SERAC1: variants seen among roughly 807,000 people sequenced by gnomAD.
SERAC1 encodes serine active site containing 1.
Under a neutral mutation model 85.7 loss-of-function variants are expected in SERAC1, and 36 were observed. The ratio of observed to expected loss-of-function variants is 0.42; its 90% CI spans 0.32 to 0.55. The LOEUF (loss-of-function observed/expected upper bound fraction) is 0.55. SERAC1 is among the 20% of genes least tolerant of loss of function. SERAC1 has a pLI of 0.11. For synonymous variants in SERAC1, 242 were observed against 265.3 expected, an observed-to-expected ratio of 0.91 and a Z score of 0.85; for missense variants, 629 against 796.2, an observed-to-expected ratio of 0.79 and a Z score of 2.53.
chr6:158,134,558 T>C (rs1260205450), intron 8 of SERAC1, among the ~76,000 whole-genome samples: 1 of 152,126 alleles, frequency 6.6e-6, no homozygotes, highest in Non-Finnish European at 1.5e-5. Context: ...AGTAAGAGAT[T>C]ATAATCTAGT....
chr6:158,127,377 G>A (rs1449699403), intron 10 of SERAC1, among the ~76,000 whole-genome samples: 5 of 65,594 alleles, frequency 7.6e-5, no homozygotes, highest in Non-Finnish European at 9.6e-5. Flanking sequence ...GAGGTGGGGG[G>A]GTCAGCCCCC....
chr6:158,161,275 C>G (rs1006191442), intron 1 of SERAC1: 4 of 151,672 alleles, frequency 2.6e-5, no homozygotes, highest in African/African-American at 9.7e-5. Context: ...CCCAGCTACT[C>G]GGGAGGCTGA....
intron 15 of SERAC1, among the ~76,000 whole-genome samples, chr6:158,114,145 T>G (rs533485254): frequency 2.6e-5 from 4 of 151,814 alleles, no homozygotes; most frequent in African/African-American, 9.7e-5. Context: ...TTTGAAAAGA[T>G]AAAGGAGCCA....
In SERAC1 at chr6:158,117,242, G is replaced by A; in HGVS notation, c.1403+485C>T. On this transcript the variant is annotated intron_variant, in intron 13 of 16. Coordinates refer to ENST00000647468, the MANE Select transcript of SERAC1 (RefSeq NM_032861.4). This position sits in a 1 kb window ranked among gnomAD's most constrained non-coding sequence, Gnocchi z 4.3. ...AAAGTTAACTGACTGGTCTAAGACTGCACAGCAAATCAAAGGTAGGATCCG... is the reference window on the plus strand; with the variant it reads ...AAAGTTAACTGACTGGTCTAAGACTACACAGCAAATCAAAGGTAGGATCCG... 2.2e-6 allele frequency: 1 copy of A among 454,376 alleles called. No homozygotes were observed. The highest frequency in any genetic ancestry group is 3.1e-5 in the South Asian group (1 of 32,036). 28.1% of individuals were successfully genotyped at this position (454,376 alleles called of 1,614,324 possible). A position where few individuals can be genotyped will look rare whatever the true frequency, so the allele number is the denominator to read the frequency against.
chr6:158,146,783 A>G lies in SERAC1; in HGVS notation c.486T>C (p.His162=), dbSNP rs1341795860. The change falls in exon 6 of 17, where the codon CAT becomes CAC. Residue 162 remains histidine (H), a splice_region_variant and synonymous_variant. Coordinates refer to ENST00000647468, the MANE Select transcript of SERAC1 (RefSeq NM_032861.4). ...CACCTGTTCAGGTAGTCTCATTACC[A>G]TGCCAGTGATGGGTCTCCGACATTT... ...VREMSETHHW[H]DYQYRIIAQA... is the part of the protein sequence containing the mutation. The G allele has an allele frequency of 6.2e-7, 1 of 1,613,506 alleles. No homozygotes were observed. The highest frequency in any genetic ancestry group is 1.1e-5 in the South Asian group (1 of 91,078).
chr6:158,131,619 A>C (rs1784679003), intron 8 of SERAC1, among the ~76,000 whole-genome samples: 1 of 151,986 alleles, frequency 6.6e-6, no homozygotes, highest in South Asian at 2.1e-4. Context: ...GTTCTAGGGA[A>C]ACAAGCACGC....
rs147050785 is a variant in SERAC1 at position 158,147,192 on chromosome 6, G to A, written c.356-279C>T. Among the ~76,000 whole-genome samples the A allele has an allele frequency of 3.6e-4, 54 of 152,102 alleles. 1 individual carries two copies. The highest frequency in any genetic ancestry group is 1.2e-3 in the African/African-American group (50 of 41,478). On this transcript the variant is annotated intron_variant, in intron 5 of 16. Coordinates refer to ENST00000647468, the MANE Select transcript of SERAC1 (RefSeq NM_032861.4). ...CTCGCTCTGTTACCCAGGCTGGAGT[G>A]CAGTGACACAATCGTGGCTCACTGC...
Position 158,143,134 on chromosome 6 carries a change from T to C in SERAC1, c.660A>G (p.Gln220=), listed in dbSNP as rs776026202. 1.7e-5 allele frequency: 27 copies of C among 1,613,582 alleles called. No individual in the cohort carries two copies. The Admixed American group carries it at 3.3e-4, about 20-fold the overall frequency. The part of the protein sequence containing the change: ...ELRQLLASLP[Q]TELDECIQYF... ...ACTGGATACACTCATCTAGCTCTGT[T>C]TGAGGTAAGGAAGCCAGCAACTGTC... The change falls in exon 8 of 17, where the codon CAA becomes CAG. Residue 220 remains glutamine, a synonymous_variant. Coordinates refer to ENST00000647468, the MANE Select transcript of SERAC1 (RefSeq NM_032861.4).
At chr6:158,144,660 A>T (rs564727353) in intron 6 of SERAC1, among the ~76,000 whole-genome samples, 1 of 152,296 alleles carries the variant, frequency 6.6e-6, no homozygotes, top group Admixed American at 6.5e-5. Context: ...AACTTTTTGG[A>T]AAAAAGGAAG....
rs759351997 is a variant in SERAC1 at position 158,114,963 on chromosome 6, CAAG to C, written c.1507_1509del (p.Leu503del). ...GAGGCTTCCAACAGCATCTTTTTGA[CAAG>C]AAGACCTAGCCACAGACAAGGGAAA... On this transcript the variant is annotated inframe_deletion, in exon 15 of 17. Transcript: ENST00000647468. 1.2e-6 allele frequency: 2 copies of C among 1,607,640 alleles called. No homozygotes were observed. The highest frequency in any genetic ancestry group is 1.7e-6 in the Non-Finnish European group (2 of 1,177,150).
intron 9 of SERAC1, among the ~76,000 whole-genome samples, chr6:158,128,685 T>C (rs1784601925): frequency 1.3e-5 from 2 of 152,210 alleles, no homozygotes; most frequent in East Asian, 1.9e-4. Context: ...ACAGATTTCA[T>C]TCAGCAAACA....
At chr6:158,129,106 T>G (rs1272586985) in intron 9 of SERAC1, among the ~76,000 whole-genome samples, 1 of 152,218 alleles carries the variant, frequency 6.6e-6, no homozygotes, top group Admixed American at 6.5e-5. Flanking sequence ...TCTGCAATAA[T>G]TTCAGAGATT....
intron 2 of SERAC1, among the ~76,000 whole-genome samples, chr6:158,157,788 A>AT (rs1192906089): frequency 6.6e-6 from 1 of 152,222 alleles, no homozygotes; most frequent in Non-Finnish European, 1.5e-5. Flanking sequence ...AAGACAGATA[A>AT]TTAAGTTCTA....
intron 16 of SERAC1, chr6:158,112,847 A>G (rs573837978): frequency 1.1e-4 from 16 of 144,322 alleles, no homozygotes; most frequent in African/African-American, 3.9e-4. Flanking sequence ...CAGGGTATCT[A>G]GTATGTACAG....
At chr6:158,136,762 C>A (rs1157642216) in intron 8 of SERAC1, among the ~76,000 whole-genome samples, 2 of 152,210 alleles carry the variant, frequency 1.3e-5, no homozygotes, top group Non-Finnish European at 2.9e-5. Flanking sequence ...TCACTACAAA[C>A]CAGATGGACT....
In SERAC1 at chr6:158,110,744, T is replaced by C. The variant is rs1462573990; in HGVS notation, c.*622A>G. The C allele has an allele frequency of 6.6e-6, 1 of 152,214 alleles. No homozygotes were observed. Among genetic ancestry groups the C allele is most frequent in the Non-Finnish European group, 1.5e-5 (1 of 68,032 alleles). The allele number at this position is 152,214 out of a possible 1,614,324, so 9.4% of individuals were successfully genotyped here. On this transcript the variant is annotated 3_prime_UTR_variant, in exon 17 of 17. Coordinates refer to ENST00000647468, the MANE Select transcript of SERAC1 (RefSeq NM_032861.4). The stretch of plus-strand genomic sequence containing the variant: ...CAGTCTGAAAAGAATTATTATAAGC[T>C]AGAATTTTTCTAAGAAAAAGATTTG...
chr6:158,120,405 A>C lies in SERAC1; in HGVS notation c.1166+20T>G, dbSNP rs770211561. ...TCACATTTCCAAAGGGGACAAAGCA[A>C]CTCTCTTCTGCTTCCTTACCTTGTT... On this transcript the variant is annotated intron_variant, in intron 11 of 16. Transcript: ENST00000647468. This position sits in a 1 kb window ranked among gnomAD's most constrained non-coding sequence, Gnocchi z 4.4. The C allele has an allele frequency of 1.0e-5, 16 of 1,602,902 alleles. No individual in the cohort carries two copies. The Admixed American group carries it at 2.4e-4, about 24-fold the overall frequency.
intron 8 of SERAC1, among the ~76,000 whole-genome samples, chr6:158,132,478 C>T (rs1032092516): frequency 2.6e-5 from 4 of 152,038 alleles, no homozygotes; most frequent in South Asian, 4.1e-4. Flanking sequence ...TAAGCTTTGT[C>T]GGGGGGTAGG....
At chr6:158,125,391 GC>G (rs1200303128) in intron 10 of SERAC1, among the ~76,000 whole-genome samples, 2 of 152,094 alleles carry the variant, frequency 1.3e-5, no homozygotes, top group Non-Finnish European at 2.9e-5. Context: ...TCAGTCTTCT[GC>G]CATGTGACGA....
Sources: gnomAD v4.1 joint callset for allele counts (sites outside exome capture counted in the v4.1 genomes callset) on GRCh38, gnomAD v4.1.1 for gene constraint, Gnocchi (gnomAD v3.1) non-coding constraint, MANE v1.5 for transcripts, NCBI Gene and HGNC (gene_info 2026-07-23, HGNC 2026-07-21) for gene names.